TEAD1: variants seen among roughly 807,000 people sequenced by gnomAD.
TEAD1 encodes the protein transcriptional enhancer factor TEF-1.
A neutral mutation model predicts 54.9 loss-of-function variants in TEAD1; 9 were observed. That is an observed-to-expected ratio of 0.16 (90% CI 0.10 to 0.29). The LOEUF (loss-of-function observed/expected upper bound fraction) is 0.29, where lower values mean the gene tolerates loss of function less well. Among genes scored for constraint, TEAD1 ranks in the 10% least tolerant of loss-of-function variants. The pLI is 1.00. For missense variants in TEAD1, 387 were observed against 535.9 expected, an observed-to-expected ratio of 0.72 and a Z score of 2.74; for synonymous variants, 200 against 187.8, an observed-to-expected ratio of 1.07 and a Z score of -0.53.
intron 2 of TEAD1, among the ~76,000 whole-genome samples, chr11:12,739,262 A>G (rs956301351): frequency 2.0e-5 from 3 of 152,058 alleles, no homozygotes; most frequent in Admixed American, 6.6e-5. Context: ...TATCTCTGTC[A>G]TCTATCTACA....
chr11:12,941,049 A>C lies in TEAD1; in HGVS notation c.*3827A>C, dbSNP rs1228296693. ...GACAGAAAAAGCGTGAGAGTTGTCT[A>C]GGATTCCTGCCACTTTGGTCCCTGG... is the stretch of plus-strand genomic sequence containing the variant. On this transcript the variant is annotated 3_prime_UTR_variant, in exon 13 of 13. Transcript: ENST00000527636. 1 of 152,298 alleles carries C rather than the reference A, an allele frequency of 6.6e-6. No homozygotes were observed. Among genetic ancestry groups the C allele is most frequent in the Non-Finnish European group, 1.5e-5 (1 of 68,120 alleles). 9.4% of individuals were successfully genotyped at this position (152,298 alleles called of 1,614,324 possible). A position where few individuals can be genotyped will look rare whatever the true frequency, so the allele number is the denominator to read the frequency against.
intron 2 of TEAD1, among the ~76,000 whole-genome samples, chr11:12,686,462 T>A (rs112083630): frequency 2.1e-3 from 317 of 152,344 alleles, no homozygotes; most frequent in African/African-American, 6.9e-3. Context: ...AGTATTTTTT[T>A]AAAAATAATT....
intron 3 of TEAD1, chr11:12,849,468 ATCAT>A (rs1947224083): frequency 6.6e-6 from 1 of 152,174 alleles, no homozygotes; most frequent in Non-Finnish European, 1.5e-5. Flanking sequence ...ATTCCTTCTC[ATCAT>A]GCTTTTCATA....
intron 3 of TEAD1, among the ~76,000 whole-genome samples, chr11:12,859,835 A>G (rs1311306034): frequency 6.6e-6 from 1 of 152,058 alleles, no homozygotes; most frequent in East Asian, 1.9e-4. Flanking sequence ...GTAGGGACAT[A>G]TCAGAAGACG....
chr11:12,900,010 G>T (rs1408280627), intron 9 of TEAD1, among the ~76,000 whole-genome samples: 2 of 152,194 alleles, frequency 1.3e-5, no homozygotes, highest in Admixed American at 1.3e-4. Flanking sequence ...AGGGTTTTGT[G>T]ACCAACTGAG....
chr11:12,937,024 TCTC>T, intron 12 of TEAD1, 82 bp from the exon 13 acceptor site: 1 of 916,838 alleles, frequency 1.1e-6, no homozygotes, highest in Non-Finnish European at 1.8e-6. Context: ...GACTTGTTCT[TCTC>T]CAATTAAGTC....
At chr11:12,824,425 A>T (rs1048829914) in intron 3 of TEAD1, among the ~76,000 whole-genome samples, 12 of 152,196 alleles carry the variant, frequency 7.9e-5, no homozygotes, top group African/African-American at 2.9e-4. Flanking sequence ...TCAAATTCTG[A>T]ACACCCAGCT....
At chr11:12,864,617 T>TTTTTGTTTTG (rs78050843) in intron 4 of TEAD1, 93,454 of 953,724 alleles carry the variant, frequency 0.098, 7,792 homozygotes, top group South Asian at 0.18. Flanking sequence ...TTGATTTCCT[T>TTTTTGTTTTG]TTTTGTTTTG....
chr11:12,721,883 T>G lies in TEAD1; in HGVS notation c.-54-42296T>G, dbSNP rs149635384. 7.2e-4 allele frequency among the ~76,000 whole-genome samples: 110 copies of G among 152,258 alleles called. 3 individuals carry two copies. The East Asian group carries it at 0.021, about 29-fold the overall frequency. ...AGGACAGTGGACGTATGAGTTTGAG[T>G]GTTTGGCAGATGTTTGCATGATTCT... On this transcript the variant is annotated intron_variant, in intron 2 of 12. Transcript: ENST00000527636.
intron 2 of TEAD1, among the ~76,000 whole-genome samples, chr11:12,684,801 C>T (rs190922460): frequency 9.2e-4 from 140 of 152,352 alleles, no homozygotes; most frequent in Admixed American, 8.3e-3. Flanking sequence ...TCCTAAGACT[C>T]GCTTCCTCTG....
At chr11:12,856,406 T>C (rs1947380733) in intron 3 of TEAD1, among the ~76,000 whole-genome samples, 1 of 152,074 alleles carries the variant, frequency 6.6e-6, no homozygotes, top group African/African-American at 2.4e-5. Flanking sequence ...TGTGAATGTT[T>C]AGGGAAAGGG....
At chr11:12,696,319 A>C (rs1027660932) in intron 2 of TEAD1, among the ~76,000 whole-genome samples, 1 of 152,218 alleles carries the variant, frequency 6.6e-6, no homozygotes, top group Non-Finnish European at 1.5e-5. Context: ...AAGTTGAGTT[A>C]AACTCTGTCT....
At chr11:12,812,842 C>T (rs963465899) in intron 3 of TEAD1, among the ~76,000 whole-genome samples, 1 of 152,200 alleles carries the variant, frequency 6.6e-6, no homozygotes, top group Non-Finnish European at 1.5e-5. Context: ...TAATGGTCCT[C>T]TCTGCAGCCA....
At position 12,761,945 on chromosome 11, in the gene TEAD1, TGG is replaced by T. The variant is rs146775579; in HGVS notation, c.-54-2230_-54-2229del. ...TTTTGAGGGGACTTTAAGCACTGAA[TGG>T]GGGTGGTTGGTGTGTTTTGGTCTGG... On this transcript the variant is annotated intron_variant, in intron 2 of 12. Transcript: ENST00000527636. Among the ~76,000 whole-genome samples the T allele has an allele frequency of 8.9e-3, 1,351 of 152,220 alleles. 20 individuals carry two copies. Among genetic ancestry groups the T allele is most frequent in the African/African-American group, 0.031 (1,279 of 41,528 alleles).
At chr11:12,877,552 A>G (rs1328446939) in intron 5 of TEAD1, among the ~76,000 whole-genome samples, 1 of 152,016 alleles carries the variant, frequency 6.6e-6, no homozygotes, top group African/African-American at 2.4e-5. Context: ...CCAGCTACTC[A>G]GGAGGCTGAG....
intron 3 of TEAD1, among the ~76,000 whole-genome samples, chr11:12,849,668 A>T (rs965199983): frequency 6.6e-6 from 1 of 152,216 alleles, no homozygotes; most frequent in Non-Finnish European, 1.5e-5. Context: ...TTACAACAAG[A>T]ACTAAATACT....
intron 5 of TEAD1, among the ~76,000 whole-genome samples, chr11:12,876,165 A>G (rs1024863230): frequency 2.6e-5 from 4 of 152,178 alleles, no homozygotes; most frequent in Non-Finnish European, 4.4e-5. Context: ...GAGAGAGTCA[A>G]ACCTTACTTT....
At chr11:12,707,114 CTTTTTTTT>C (rs11366620) in intron 2 of TEAD1, among the ~76,000 whole-genome samples, 2 of 76,282 alleles carry the variant, frequency 2.6e-5, no homozygotes, top group African/African-American at 5.2e-5. Context: ...ACTTGTGGGA[CTTTTTTTT>C]TTTTTTTTTT....
chr11:12,934,751 A>T (rs1350129269), intron 12 of TEAD1, among the ~76,000 whole-genome samples: 1 of 152,076 alleles, frequency 6.6e-6, no homozygotes, highest in Non-Finnish European at 1.5e-5. Flanking sequence ...TATCATTGAA[A>T]TATTTTAATT....
Sources: gnomAD v4.1 joint callset for allele counts (sites outside exome capture counted in the v4.1 genomes callset) on GRCh38, gnomAD v4.1.1 for gene constraint, MANE v1.5 for transcripts, NCBI Gene and HGNC (gene_info 2026-07-23, HGNC 2026-07-21) for gene names.